FGFR1OP2: variants seen among roughly 807,000 people sequenced by gnomAD.
The protein encoded by FGFR1OP2 is FGFR1 oncogene partner 2, also known as fibroblast growth factor receptor 1 oncogene partner 2.
FGFR1OP2 carries 17 observed loss-of-function variants against 35.2 expected under a neutral mutation model. The ratio of observed to expected loss-of-function variants is 0.48; its 90% CI spans 0.33 to 0.73. The LOEUF is 0.73. FGFR1OP2 is among the 30% of genes least tolerant of loss of function. The pLI, the probability that FGFR1OP2 is intolerant of heterozygous loss-of-function variation, is 0.02. For synonymous variants in FGFR1OP2, 105 were observed against 104.6 expected (o/e 1.00, Z -0.03); for missense variants, 251 against 307.3 (o/e 0.82, Z 1.37).
chr12:26,942,908 C>G lies in FGFR1OP2; in HGVS notation c.-15+4198C>G, dbSNP rs140758894. Among the ~76,000 whole-genome samples, 578 of 152,260 alleles carry G rather than the reference C, an allele frequency of 3.8e-3. 1 individual carries two copies. Among genetic ancestry groups the G allele is most frequent in the African/African-American group, 0.013 (552 of 41,558 alleles). Reference sequence around the variant, plus strand: ...CCTGTAGCTTGTCTTTTCAAACTCTCTAAACAGTGTCTTTCCCAGAGCAAA... The same window carrying G: ...CCTGTAGCTTGTCTTTTCAAACTCTGTAAACAGTGTCTTTCCCAGAGCAAA... On this transcript the variant is annotated intron_variant, in intron 1 of 6. Transcript: ENST00000229395.
intron 5 of FGFR1OP2, 38 bp downstream of exon 5, chr12:26,960,666 G>T (rs777463643): frequency 5.7e-6 from 9 of 1,573,476 alleles, no homozygotes; most frequent in East Asian, 2.3e-5. Flanking sequence ...GGGTGTGGAT[G>T]GAAGGGGGGT....
chr12:26,948,925 T>C (rs1325044580), intron 1 of FGFR1OP2, among the ~76,000 whole-genome samples: 1 of 152,114 alleles, frequency 6.6e-6, no homozygotes, highest in African/African-American at 2.4e-5. Context: ...CTATATAGTC[T>C]CAGCTACTCA....
At chr12:26,956,232 C>T (rs910910008) in intron 2 of FGFR1OP2, among the ~76,000 whole-genome samples, 1 of 151,948 alleles carries the variant, frequency 6.6e-6, no homozygotes, top group Non-Finnish European at 1.5e-5. Flanking sequence ...TTACAGTCAT[C>T]CTCGTGGGAT....
chr12:26,960,928 C>G, intron 5 of FGFR1OP2: 1 of 188,400 alleles, frequency 5.3e-6, no homozygotes. Context: ...CATTTCCTTT[C>G]TGGACATCAA....
Position 26,957,652 on chromosome 12 carries a change from G to A in FGFR1OP2, c.305G>A (p.Ser102Asn). 6.2e-7 allele frequency: 1 copy of A among 1,613,446 alleles called. No homozygotes were observed. The highest frequency in any genetic ancestry group is 8.5e-7 in the Non-Finnish European group (1 of 1,179,592). The change falls in exon 4 of 7, where the codon AGC (serine) becomes AAC (asparagine). Residue 102 changes from serine (S) to asparagine (N), a missense_variant. Coordinates refer to ENST00000229395, the MANE Select transcript of FGFR1OP2 (RefSeq NM_015633.3). ...CAGTCGGCCTTGGAACTTATAATGAGCAAGTACCGAGAACAAATGTTTAGA... is the reference window on the plus strand; with the variant it reads ...CAGTCGGCCTTGGAACTTATAATGAACAAGTACCGAGAACAAATGTTTAGA... Reference protein sequence around the residue: ...EHQSALELIMSKYREQMFRLL... With the variant: ...EHQSALELIMNKYREQMFRLL...
intron 1 of FGFR1OP2, among the ~76,000 whole-genome samples, chr12:26,947,258 A>G (rs562754683): frequency 3.2e-4 from 49 of 152,232 alleles, no homozygotes; most frequent in Admixed American, 7.8e-4. Context: ...AACACTTACT[A>G]TCTTTTCTAT....
chr12:26,963,870 A>T (rs767593571), intron 6 of FGFR1OP2, among the ~76,000 whole-genome samples: 1 of 152,134 alleles, frequency 6.6e-6, no homozygotes, highest in Admixed American at 6.6e-5. Context: ...TATGACAGTG[A>T]AAGTACCAGT....
intron 1 of FGFR1OP2, among the ~76,000 whole-genome samples, chr12:26,953,250 AGAGCGAGACT>A (rs1159609666): frequency 2.8e-5 from 4 of 140,768 alleles, no homozygotes; most frequent in African/African-American, 8.1e-5. Context: ...CCTGGGCGAC[AGAGCGAGACT>A]GTGTCTCCAA....
At chr12:26,948,603 A>G (rs1279110374) in intron 1 of FGFR1OP2, among the ~76,000 whole-genome samples, 3 of 152,192 alleles carry the variant, frequency 2.0e-5, no homozygotes, top group South Asian at 2.1e-4. Context: ...ATGTGACTAC[A>G]ACGTGTCTGG....
intron 1 of FGFR1OP2, among the ~76,000 whole-genome samples, chr12:26,939,099 A>G (rs116905813): frequency 6.6e-6 from 1 of 151,656 alleles, no homozygotes; most frequent in Non-Finnish European, 1.5e-5. Flanking sequence ...AAGGGGTATT[A>G]CTCTTTTCTG....
At chr12:26,956,691 C>A in intron 3 of FGFR1OP2, 31 bp downstream of exon 3, 1 of 1,297,860 alleles carries the variant, frequency 7.7e-7, no homozygotes, top group Non-Finnish European at 1.1e-6. Flanking sequence ...ACATTAATCC[C>A]ATTTCTAGTC....
intron 1 of FGFR1OP2, among the ~76,000 whole-genome samples, chr12:26,947,502 G>T (rs990147744): frequency 6.6e-6 from 1 of 151,980 alleles, no homozygotes; most frequent in African/African-American, 2.4e-5. Context: ...CGCCCTCACC[G>T]TTCCGAGTAG....
chr12:26,956,649 A>G lies in FGFR1OP2; in HGVS notation c.242A>G (p.Gln81Arg), dbSNP rs756289137. 2.5e-6 allele frequency: 4 copies of G among 1,579,378 alleles called. No homozygotes were observed. The South Asian group carries it at 3.4e-5, about 13-fold the overall frequency. The stretch of plus-strand genomic sequence containing the variant: ...AACAGACAAATCAGAGAGTTGCAAC[A>G]AGAAAACAAAGGTAAGATACGTTAC... ...QENRQIRELQ[Q>R]ENKELRTSLE... The change falls in exon 3 of 7, where the codon CAA becomes CGA. Residue 81 changes from glutamine (Q) to arginine (R), a missense_variant. Physicochemically the swap from Gln to Arg is conservative, Grantham distance 43 (BLOSUM62 1). Transcript: ENST00000229395.
chr12:26,960,390 C>A, intron 4 of FGFR1OP2, 125 bp from the exon 5 acceptor site: 1 of 538,564 alleles, frequency 1.9e-6, no homozygotes, highest in Non-Finnish European at 3.0e-6. Flanking sequence ...GAACAGATGC[C>A]TTTTTGGAAA....
rs144582358 is a variant in FGFR1OP2, at chr12:26,946,162, T to C, written c.-15+7452T>C. On this transcript the variant is annotated intron_variant, in intron 1 of 6. Coordinates refer to ENST00000229395, the MANE Select transcript of FGFR1OP2 (RefSeq NM_015633.3). Reference sequence around the variant, plus strand: ...ATGCCTATATATCCCTTCAGTTGTTTGAGTTAGTGCATTTGTATTTTGAAG... The same window carrying C: ...ATGCCTATATATCCCTTCAGTTGTTCGAGTTAGTGCATTTGTATTTTGAAG... Among the ~76,000 whole-genome samples the C allele has an allele frequency of 3.9e-5, 6 of 152,314 alleles. 1 individual carries two copies. The highest frequency in any genetic ancestry group is 1.4e-4 in the African/African-American group (6 of 41,566).
At chr12:26,950,814 T>C (rs10842818) in intron 1 of FGFR1OP2, among the ~76,000 whole-genome samples, 11,574 of 152,260 alleles carry the variant, frequency 0.076, 549 homozygotes, top group East Asian at 0.13. Flanking sequence ...GATTTGGTAC[T>C]AGAAAATTCA....
At chr12:26,963,699 T>C (rs971778555) in intron 6 of FGFR1OP2, among the ~76,000 whole-genome samples, 11 of 152,172 alleles carry the variant, frequency 7.2e-5, no homozygotes, top group African/African-American at 2.4e-4. Flanking sequence ...TTGCTTATCT[T>C]ATGAAGTGAA....
chr12:26,953,016 G>A (rs971008372), intron 1 of FGFR1OP2, among the ~76,000 whole-genome samples: 17 of 151,958 alleles, frequency 1.1e-4, no homozygotes, highest in East Asian at 3.9e-4. Flanking sequence ...TAATCCCAGC[G>A]CTTTGGGAGG....
intron 1 of FGFR1OP2, among the ~76,000 whole-genome samples, chr12:26,953,140 T>C (rs1938961122): frequency 6.6e-6 from 1 of 151,762 alleles, no homozygotes; most frequent in African/African-American, 2.4e-5. Flanking sequence ...GGCAGGTGCC[T>C]GTAGTCCCAG....
Sources: gnomAD v4.1 joint callset for allele counts (sites outside exome capture counted in the v4.1 genomes callset) on GRCh38, gnomAD v4.1.1 for gene constraint, MANE v1.5 for transcripts, NCBI Gene and HGNC (gene_info 2026-07-23, HGNC 2026-07-21) for gene names.